Variants in FLYWCH1 observed in about 807,000 individuals in gnomAD.
The protein encoded by FLYWCH1 is FLYWCH-type zinc finger 1.
A neutral mutation model predicts 66.4 loss-of-function variants in FLYWCH1; 75 were observed. The observed-to-expected ratio is 1.13, with a 90% confidence interval of 0.94 to 1.37. The LOEUF (loss-of-function observed/expected upper bound fraction) is 1.37, where lower values mean the gene tolerates loss of function less well. FLYWCH1 is among the 40% of genes most tolerant of loss of function. FLYWCH1 has a pLI of 0.00. For synonymous variants in FLYWCH1, 595 were observed against 429.9 expected (o/e 1.38, Z -4.75); for missense variants, 1,334 against 1,001.8 (o/e 1.33, Z -4.48).
intron 2 of FLYWCH1, among the ~76,000 whole-genome samples, chr16:2,927,167 A>T (rs2070596963): frequency 1.3e-5 from 2 of 152,194 alleles, no homozygotes; most frequent in Non-Finnish European, 2.9e-5. Flanking sequence ...TTAATACGTC[A>T]GCACCACAGG....
rs142463011 is a variant in FLYWCH1 at position 2,937,035 on chromosome 16, G to A, written c.1514-86G>A. 6.9e-5 allele frequency: 85 copies of A among 1,225,106 alleles called. No individual in the cohort carries two copies. In the African/African-American group the frequency reaches 1.0e-3, roughly 14 times the overall value. The allele number at this position is 1,225,106 out of a possible 1,614,324, so 75.9% of individuals were successfully genotyped here. On this transcript the variant is annotated intron_variant, in intron 6 of 9. Transcript: ENST00000253928. ...CTCACTGTGAGGAGGAGGTGTGGGC[G>A]TTGTGGGAGGTCTCATCTCGGGGCC...
Position 2,929,935 on chromosome 16 carries a change from C to T in FLYWCH1, c.250C>T (p.Pro84Ser). ...ATLASTLQIL[P>S]VEEQGGVVQP... ...CCTCGCCAGCACCTTGCAGATCCTG[C>T]CAGTTGAGGAGCAGGGAGGGGTGGT... Residue 84 changes from proline (P) to serine (S), a missense_variant, in exon 3 of 10, where the codon CCA (proline) becomes TCA (serine). Coordinates refer to ENST00000253928, the MANE Select transcript of FLYWCH1 (RefSeq NM_001308068.2). The T allele has an allele frequency of 6.2e-7, 1 of 1,613,608 alleles. No individual in the cohort carries two copies. The highest frequency in any genetic ancestry group is 1.3e-5 in the African/African-American group (1 of 75,032).
intron 1 of FLYWCH1, among the ~76,000 whole-genome samples, chr16:2,913,471 T>A (rs922632392): frequency 1.3e-5 from 2 of 152,152 alleles, no homozygotes; most frequent in Non-Finnish European, 2.9e-5. Context: ...TTTGGAGCTG[T>A]GGCTCTTGGG....
At chr16:2,945,068 G>T (rs1262759044) in intron 9 of FLYWCH1, among the ~76,000 whole-genome samples, 2 of 150,648 alleles carry the variant, frequency 1.3e-5, no homozygotes, top group Non-Finnish European at 3.0e-5. Context: ...TCAAATCCTT[G>T]GCCGGGCATG....
intron 2 of FLYWCH1, among the ~76,000 whole-genome samples, chr16:2,920,838 GC>G (rs2070345782): frequency 8.1e-6 from 1 of 122,912 alleles, no homozygotes; most frequent in Non-Finnish European, 1.6e-5. Flanking sequence ...ACAACGCCTG[GC>G]CTTTTTTTTT....
At position 2,938,312 on chromosome 16, in the gene FLYWCH1, CGGCTG is replaced by C. The variant is rs773307348; in HGVS notation, c.1912_1916del (p.Gly638ProfsTer22). The stretch of plus-strand genomic sequence containing the variant: ...GTACTGGATGTGCCGGGACCAGGCT[CGGCTG>C]GGCTGCCGCAGCCGCGCCATAACCC... On this transcript the variant is annotated frameshift_variant, in exon 8 of 10. Transcript: ENST00000253928. LOFTEE classifies it high-confidence loss of function. The C allele has an allele frequency of 1.4e-5, 22 of 1,608,848 alleles. No individual in the cohort carries two copies. The highest frequency in any genetic ancestry group is 1.7e-5 in the Non-Finnish European group (20 of 1,178,040).
chr16:2,930,429 G>A lies in FLYWCH1; in HGVS notation c.345G>A (p.Glu115=), dbSNP rs1446694087. The change falls in exon 4 of 10, where the codon GAG becomes GAA. Residue 115 remains glutamate, a synonymous_variant. Coordinates refer to ENST00000253928, the MANE Select transcript of FLYWCH1 (RefSeq NM_001308068.2). ...CCCCAGCAGCCCCTCAGTCCCTGGAGTTCCTGAGGACACCATTCGGGGGCC... is the reference window on the plus strand; with the variant it reads ...CCCCAGCAGCCCCTCAGTCCCTGGAATTCCTGAGGACACCATTCGGGGGCC... ...KLDAAAPQSL[E]FLRTPFGGRL... is the part of the protein sequence containing the mutation. 3.4e-6 allele frequency: 5 copies of A among 1,474,986 alleles called. No homozygotes were observed. The highest frequency in any genetic ancestry group is 3.6e-6 in the Non-Finnish European group (4 of 1,113,844). 91.4% of individuals were successfully genotyped at this position (1,474,986 alleles called of 1,614,324 possible).
chr16:2,933,515 C>G lies in FLYWCH1; in HGVS notation c.1182C>G (p.Val394=), dbSNP rs61747747. 5.0e-6 allele frequency: 8 copies of G among 1,611,660 alleles called. No homozygotes were observed. Among genetic ancestry groups the G allele is most frequent in the Admixed American group, 3.3e-5 (2 of 59,740 alleles). ...CTCGGCCCAGAAAGCGAGCAAAGGT[C>G]GAAGACCAGGAGCTGCCAACCCAGC... ...TRPRPRKRAK[V]EDQELPTQPE... is the part of the protein sequence containing the mutation. Residue 394 remains valine (V), a synonymous_variant, in exon 5 of 10, where the codon GTC becomes GTG. Coordinates refer to ENST00000253928, the MANE Select transcript of FLYWCH1 (RefSeq NM_001308068.2).
chr16:2,932,505 C>T (rs1022517711), intron 4 of FLYWCH1, among the ~76,000 whole-genome samples: 4 of 151,960 alleles, frequency 2.6e-5, no homozygotes, highest in African/African-American at 9.7e-5. Context: ...GTTTTATTAC[C>T]AGTAACTGGG....
intron 9 of FLYWCH1, among the ~76,000 whole-genome samples, chr16:2,947,889 T>A (rs1340483364): frequency 2.6e-5 from 4 of 151,186 alleles, no homozygotes; most frequent in Non-Finnish European, 4.4e-5. Flanking sequence ...ATTTTTTTTT[T>A]AATTAGCCAG....
rs61747748 is a variant in FLYWCH1, at chr16:2,937,324, G to C, written c.1717G>C (p.Gly573Arg). ...GCACTGCCACCCACCGGACCTGGGC[G>C]GCCTGGAGGCCCTGCGGCAGCGGGA... ...RRHCHPPDLGGLEALRQREHF... is the reference protein window; with the variant it reads ...RRHCHPPDLGRLEALRQREHF... The change falls in exon 7 of 10, where the codon GGC becomes CGC. Residue 573 changes from glycine (G) to arginine (R), a missense_variant. Transcript: ENST00000253928. The C allele has an allele frequency of 9.4e-6, 15 of 1,600,324 alleles. No individual in the cohort carries two copies. In the Admixed American group the frequency reaches 2.2e-4, roughly 24 times the overall value.
rs539929256 is a variant in FLYWCH1 at position 2,933,894 on chromosome 16, T to G, written c.1428T>G (p.Gly476=). ...TQGRRVTVMR[G]HCHPPDLGGL... ...GCCGACGGGTGACTGTCATGCGTGGTCACTGCCACCCGCCCGACCTGGGAG... is the reference window on the plus strand; with the variant it reads ...GCCGACGGGTGACTGTCATGCGTGGGCACTGCCACCCGCCCGACCTGGGAG... The change falls in exon 6 of 10, where the codon GGT becomes GGG. Residue 476 remains glycine, a synonymous_variant. Transcript: ENST00000253928. 3.1e-4 allele frequency: 485 copies of G among 1,587,942 alleles called. 5 individuals carry two copies. In the South Asian group the frequency reaches 4.8e-3, roughly 16 times the overall value.
chr16:2,920,571 ATTGT>A (rs907372611), intron 2 of FLYWCH1, among the ~76,000 whole-genome samples: 8 of 149,576 alleles, frequency 5.3e-5, no homozygotes, highest in Non-Finnish European at 8.9e-5. Context: ...CATTCTGACC[ATTGT>A]TTGTTTGTTT....
At chr16:2,947,156 G>A (rs756561759) in intron 9 of FLYWCH1, among the ~76,000 whole-genome samples, 2 of 152,158 alleles carry the variant, frequency 1.3e-5, no homozygotes, top group Admixed American at 6.5e-5. Context: ...AAAAAGGAAC[G>A]AAGTACTGAC....
At chr16:2,922,546 A>G (rs2070410414) in intron 2 of FLYWCH1, 1 of 279,310 alleles carries the variant, frequency 3.6e-6, no homozygotes, top group South Asian at 3.5e-5. Flanking sequence ...GGGACCTCAT[A>G]CAAGTGGAAT....
At chr16:2,948,022 C>G (rs370221258) in intron 9 of FLYWCH1, among the ~76,000 whole-genome samples, 1 of 152,070 alleles carries the variant, frequency 6.6e-6, no homozygotes, top group East Asian at 1.9e-4. Context: ...GCCTGGGTGA[C>G]AGAGTGACAC....
chr16:2,942,719 A>ATTTTT (rs1291496537), intron 9 of FLYWCH1, among the ~76,000 whole-genome samples: 1 of 115,494 alleles, frequency 8.7e-6, no homozygotes, highest in African/African-American at 3.9e-5. Flanking sequence ...GCATCTGGGA[A>ATTTTT]CTTTTTTTTT....
chr16:2,939,863 G>A, intron 8 of FLYWCH1, 169 bp from the exon 9 acceptor site: 1 of 650,876 alleles, frequency 1.5e-6, no homozygotes, highest in Non-Finnish European at 2.5e-6. Context: ...TCAAGTAGCT[G>A]CTGTTACCTG....
intron 4 of FLYWCH1, among the ~76,000 whole-genome samples, chr16:2,932,080 C>A (rs956969632): frequency 1.4e-5 from 2 of 143,932 alleles, no homozygotes; most frequent in South Asian, 2.2e-4. Flanking sequence ...ATCGTGCCAC[C>A]GCACTCCAGC....
Sources: allele counts gnomAD v4.1 joint callset (sites outside exome capture counted in the v4.1 genomes callset), GRCh38; gene constraint gnomAD v4.1.1; transcripts MANE v1.5; gene names NCBI Gene and HGNC (gene_info 2026-07-23, HGNC 2026-07-21).